Variants in LRRC8C observed in about 807,000 individuals in gnomAD.
LRRC8C encodes the protein leucine rich repeat containing 8 VRAC subunit C, also known as volume-regulated anion channel subunit LRRC8C.
Under a neutral mutation model 55.3 loss-of-function variants are expected in LRRC8C, and 20 were observed. That is an observed-to-expected ratio of 0.36 (90% CI 0.25 to 0.53). The LOEUF (loss-of-function observed/expected upper bound fraction) is 0.53. Among genes scored for constraint, LRRC8C ranks in the 20% least tolerant of loss-of-function variants. LRRC8C has a pLI of 0.92. For missense variants in LRRC8C, 659 were observed against 951.4 expected (o/e 0.69, Z 4.04); for synonymous variants, 376 against 360.7 (o/e 1.04, Z -0.48).
intron 1 of LRRC8C, among the ~76,000 whole-genome samples, chr1:89,673,712 T>C (rs1220374700): frequency 6.6e-6 from 1 of 152,256 alleles, no homozygotes; most frequent in African/African-American, 2.4e-5. Context: ...TACTGTGAAG[T>C]GTTGGGAAAA....
intron 1 of LRRC8C, among the ~76,000 whole-genome samples, chr1:89,646,411 C>G (rs1200908079): frequency 6.6e-6 from 1 of 152,040 alleles, no homozygotes; most frequent in African/African-American, 2.4e-5. Flanking sequence ...TTATTTATAA[C>G]CAAAAACTTT....
chr1:89,673,277 CTGA>C (rs1657470892), intron 1 of LRRC8C, among the ~76,000 whole-genome samples: 1 of 152,140 alleles, frequency 6.6e-6, no homozygotes, highest in Non-Finnish European at 1.5e-5. Flanking sequence ...TTTAATCCTC[CTGA>C]TGAAGTTGCT....
chr1:89,637,536 C>T (rs529050699), intron 1 of LRRC8C, among the ~76,000 whole-genome samples: 1 of 151,692 alleles, frequency 6.6e-6, no homozygotes, highest in Admixed American at 6.6e-5. Context: ...AACTATAATA[C>T]CTTATGACTG....
intron 1 of LRRC8C, among the ~76,000 whole-genome samples, chr1:89,681,749 CAG>C (rs1161304137): frequency 1.1e-4 from 16 of 152,194 alleles, no homozygotes; most frequent in African/African-American, 3.1e-4. Context: ...TCCGATGACA[CAG>C]GGGGATTATG....
Position 89,719,166 on chromosome 1 carries a change from A to G in LRRC8C, c.*4184A>G, listed in dbSNP as rs1421603071. On this transcript the variant is annotated 3_prime_UTR_variant, in exon 3 of 3. Transcript: ENST00000370454. ...TATCAGAATACCTTGAAAGGGGGGT[A>G]TATAAATTTGGAAAACTTAATTTCT... 1 of 152,176 alleles carries G rather than the reference A, an allele frequency of 6.6e-6. No individual in the cohort carries two copies. The highest frequency in any genetic ancestry group is 1.5e-5 in the Non-Finnish European group (1 of 68,020). The allele number at this position is 152,176 out of a possible 1,614,324, so 9.4% of individuals were successfully genotyped here.
chr1:89,717,535 T>G lies in LRRC8C; in HGVS notation c.*2553T>G, dbSNP rs1045633220. On this transcript the variant is annotated 3_prime_UTR_variant, in exon 3 of 3. Transcript: ENST00000370454. ...GTCAGTATAGTTCTGTGACTTCATG[T>G]TTTAACTAAGAAGGAAAATTCATAG... The G allele has an allele frequency of 1.3e-5, 2 of 152,152 alleles. No individual in the cohort carries two copies. The highest frequency in any genetic ancestry group is 6.5e-5 in the Admixed American group (1 of 15,270). 9.4% of individuals were successfully genotyped at this position (152,152 alleles called of 1,614,324 possible).
At chr1:89,651,567 C>CAAAAAAAAAAAAAA in intron 1 of LRRC8C, among the ~76,000 whole-genome samples, 1 of 40,736 alleles carries the variant, frequency 2.5e-5, no homozygotes, top group Non-Finnish European at 5.4e-5. Context: ...GACTCTGTCT[C>CAAAAAAAAAAAAAA]AAAAAAAAAA....
chr1:89,683,426 C>T (rs188066221), intron 1 of LRRC8C, among the ~76,000 whole-genome samples: 15 of 148,486 alleles, frequency 1.0e-4, no homozygotes, highest in African/African-American at 2.7e-4. Flanking sequence ...GGTGCGATCT[C>T]GGCTCACTGC....
chr1:89,646,592 C>G (rs1372928461), intron 1 of LRRC8C, among the ~76,000 whole-genome samples: 1 of 151,982 alleles, frequency 6.6e-6, no homozygotes, highest in Non-Finnish European at 1.5e-5. Context: ...TAAAGATTTT[C>G]AAAGATTTTC....
In LRRC8C at chr1:89,690,230, G is replaced by A. The variant is rs1055299060; in HGVS notation, c.138+3619G>A. Among the ~76,000 whole-genome samples the A allele has an allele frequency of 2.0e-5, 3 of 152,146 alleles. No individual in the cohort carries two copies. In the South Asian group the frequency reaches 6.2e-4, roughly 31 times the overall value. ...GCTACAGATACATTTTTATTTGGTA[G>A]GGAGACAGAAAGACAGGCGTCTGTG... On this transcript the variant is annotated intron_variant, in intron 2 of 2. Coordinates refer to ENST00000370454, the MANE Select transcript of LRRC8C (RefSeq NM_032270.5).
chr1:89,685,438 A>G (rs1462286699), intron 1 of LRRC8C, among the ~76,000 whole-genome samples: 2 of 152,168 alleles, frequency 1.3e-5, no homozygotes, highest in Non-Finnish European at 2.9e-5. Context: ...TTCTTAATTC[A>G]GTATTAGGGA....
intron 1 of LRRC8C, among the ~76,000 whole-genome samples, chr1:89,667,135 T>C (rs1657289448): frequency 6.6e-6 from 1 of 152,118 alleles, no homozygotes; most frequent in Non-Finnish European, 1.5e-5. Flanking sequence ...GGCAGAATGC[T>C]CCTTGCTGCA....
chr1:89,664,882 G>C (rs1179382228), intron 1 of LRRC8C, among the ~76,000 whole-genome samples: 1 of 152,048 alleles, frequency 6.6e-6, no homozygotes, highest in Non-Finnish European at 1.5e-5. Flanking sequence ...TGTGTTCCTA[G>C]GTATTTTATT....
intron 1 of LRRC8C, among the ~76,000 whole-genome samples, chr1:89,657,538 C>G (rs979312191): frequency 1.3e-5 from 2 of 151,978 alleles, no homozygotes; most frequent in Admixed American, 6.6e-5. Flanking sequence ...GTCAGGAGTT[C>G]GAGACCAGCC....
chr1:89,701,202 C>T (rs1459854186), intron 2 of LRRC8C, among the ~76,000 whole-genome samples: 1 of 151,722 alleles, frequency 6.6e-6, no homozygotes, highest in Non-Finnish European at 1.5e-5. Flanking sequence ...TGGGGCCAGG[C>T]GCGGTGGCTC....
At chr1:89,659,005 A>T (rs1192659407) in intron 1 of LRRC8C, among the ~76,000 whole-genome samples, 5 of 150,888 alleles carry the variant, frequency 3.3e-5, no homozygotes, top group Non-Finnish European at 5.9e-5. Flanking sequence ...CTCTGATATT[A>T]TAATGAGAGT....
At chr1:89,682,059 C>T (rs188579557) in intron 1 of LRRC8C, among the ~76,000 whole-genome samples, 179 of 152,260 alleles carry the variant, frequency 1.2e-3, no homozygotes, top group South Asian at 4.4e-3. Context: ...CGCCTGCAGT[C>T]CCAGCTGCTC....
Position 89,712,691 on chromosome 1 carries a change from A to G in LRRC8C, c.139-18A>G. The G allele has an allele frequency of 6.4e-7, 1 of 1,573,396 alleles. No homozygotes were observed. Among genetic ancestry groups the G allele is most frequent in the Non-Finnish European group, 8.7e-7 (1 of 1,144,618 alleles). The stretch of plus-strand genomic sequence containing the variant: ...TCTTTGAGTAATATAATTTGAAAAT[A>G]TTATTTCCATGTTTCAGGTCATGCA... On this transcript the variant is annotated intron_variant, in intron 2 of 2. Coordinates refer to ENST00000370454, the MANE Select transcript of LRRC8C (RefSeq NM_032270.5).
At chr1:89,665,661 AG>A (rs1391063697) in intron 1 of LRRC8C, among the ~76,000 whole-genome samples, 2 of 152,232 alleles carry the variant, frequency 1.3e-5, no homozygotes, top group Non-Finnish European at 2.9e-5. Flanking sequence ...AAAGCAAAAA[AG>A]TTGCAGTAAC....
Sources: allele counts gnomAD v4.1 joint callset (sites outside exome capture counted in the v4.1 genomes callset), GRCh38; gene constraint gnomAD v4.1.1; transcripts MANE v1.5; gene names NCBI Gene and HGNC (gene_info 2026-07-23, HGNC 2026-07-21).